The following JAK2 variants were observed in gnomAD, a reference collection of about 807,000 sequenced individuals.
JAK2 encodes Janus kinase 2, also known as tyrosine-protein kinase JAK2.
Under a neutral mutation model 139.3 loss-of-function variants are expected in JAK2, and 86 were observed. The observed-to-expected ratio is 0.62, with a 90% CI of 0.52 to 0.74. The LOEUF is 0.74. Ranked by LOEUF, JAK2 falls within the 30% of genes least tolerant of loss-of-function variation. JAK2 has a pLI of 0.00. For missense variants in JAK2, 1,421 were observed against 1,360.3 expected, an observed-to-expected ratio of 1.04 and a Z score of -0.70; for synonymous variants, 490 against 437.7, an observed-to-expected ratio of 1.12 and a Z score of -1.49.
chr9:4,985,174 G>A (rs775975430), upstream of JAK2: 1 of 152,508 alleles, frequency 6.6e-6, no homozygotes, highest in East Asian at 1.9e-4. Flanking sequence ...TGAGAAGACG[G>A]TGTGGCCCCG....
At chr9:5,043,989 TAG>T (rs894193180) in intron 4 of JAK2, among the ~76,000 whole-genome samples, 1 of 152,238 alleles carries the variant, frequency 6.6e-6, no homozygotes, top group African/African-American at 2.4e-5. Flanking sequence ...AAAGACAATA[TAG>T]AGTGTTCTTT....
Position 5,069,072 on chromosome 9 carries a change from T to G in JAK2, c.1377T>G (p.Asn459Lys). The change falls in exon 11 of 25, where the codon AAT (asparagine) becomes AAG (lysine). Residue 459 changes from asparagine (N) to lysine (K), a missense_variant. Physicochemically the swap from Asn to Lys is moderately conservative, Grantham distance 94. Coordinates refer to ENST00000381652, the MANE Select transcript of JAK2 (RefSeq NM_004972.4). ...ACTGTTTGATTACAAAAAATGAGAA[T>G]GAAGAGTACAACCTCAGTGGGACAA... Reference protein sequence around the residue: ...YKHCLITKNENEEYNLSGTKK... With the variant: ...YKHCLITKNEKEEYNLSGTKK... 6.2e-7 allele frequency: 1 copy of G among 1,605,490 alleles called. No homozygotes were observed.
At position 5,020,238 on chromosome 9, in the gene JAK2, G is replaced by A. The variant is rs541116794; in HGVS notation, c.-25-1725G>A. 2.0e-5 allele frequency among the ~76,000 whole-genome samples: 3 copies of A among 152,340 alleles called. No homozygotes were observed. The South Asian group carries it at 6.2e-4, about 32-fold the overall frequency. ...TGGCAAGTGTGAGTGGGAACCAGCT[G>A]TGGTGGTAGTGGCAGGTTGGGTGGG... On this transcript the variant is annotated intron_variant, in intron 2 of 24. Transcript: ENST00000381652.
intron 22 of JAK2, 117 bp downstream of exon 22, chr9:5,091,028 T>C: frequency 1.3e-6 from 1 of 795,646 alleles, no homozygotes. Flanking sequence ...TTTAAGTCTT[T>C]TAAGTCTTAC....
At chr9:5,004,258 A>G (rs1257958435) in intron 2 of JAK2, among the ~76,000 whole-genome samples, 1 of 152,134 alleles carries the variant, frequency 6.6e-6, no homozygotes, top group Admixed American at 6.5e-5. Flanking sequence ...GAAATTTCGT[A>G]TCCTTTGACC....
intron 4 of JAK2, among the ~76,000 whole-genome samples, chr9:5,042,138 T>C (rs1816608559): frequency 7.0e-6 from 1 of 142,040 alleles, no homozygotes; most frequent in Non-Finnish European, 1.6e-5. Context: ...TTTTTTTTTT[T>C]TTTTTTTTTT....
intron 4 of JAK2, among the ~76,000 whole-genome samples, chr9:5,038,596 A>AT (rs58788809): frequency 0.032 from 4,757 of 146,508 alleles, 110 homozygotes; most frequent in Non-Finnish European, 0.047. Context: ...TGGATTTTAG[A>AT]TTTTTTTTTT....
chr9:5,059,730 G>A (rs1818025349), intron 8 of JAK2, among the ~76,000 whole-genome samples: 1 of 152,076 alleles, frequency 6.6e-6, no homozygotes, highest in South Asian at 2.1e-4. Flanking sequence ...GTCTAAAAAT[G>A]TCTTAGTTTG....
intron 2 of JAK2, 32 bp from the exon 3 acceptor site, chr9:5,021,931 C>A: frequency 7.5e-7 from 1 of 1,327,222 alleles, no homozygotes; most frequent in South Asian, 1.2e-5. Flanking sequence ...CTGCGCCCAG[C>A]CCATTTGTAA....
At chr9:5,004,756 A>G (rs1228608662) in intron 2 of JAK2, among the ~76,000 whole-genome samples, 1 of 151,986 alleles carries the variant, frequency 6.6e-6, no homozygotes, top group Admixed American at 6.6e-5. Context: ...AGAGTATACA[A>G]GAGTTTCTTT....
intron 4 of JAK2, among the ~76,000 whole-genome samples, chr9:5,042,636 C>CAA (rs1461467117): frequency 2.0e-5 from 3 of 151,900 alleles, no homozygotes; most frequent in African/African-American, 7.3e-5. Flanking sequence ...TCATAAAGTC[C>CAA]AGCTTGTCTC....
chr9:5,086,039 T>A, intron 19 of JAK2: 2 of 760,518 alleles, frequency 2.6e-6, no homozygotes, highest in South Asian at 2.7e-5. Context: ...AGGCAGGTGT[T>A]AAATGCTTCA....
rs540045713 is a variant in JAK2 at position 5,072,803 on chromosome 9, G to A, written c.1776+177G>A. Among the ~76,000 whole-genome samples, 14 of 152,082 alleles carry A rather than the reference G, an allele frequency of 9.2e-5. 1 individual carries two copies. In the South Asian group the frequency reaches 1.5e-3, roughly 16 times the overall value. ...AGAATTACAGGGTTTGAAAATTACCGGATTAAAAAAATTAATTCCAAACTA... is the reference window on the plus strand; with the variant it reads ...AGAATTACAGGGTTTGAAAATTACCAGATTAAAAAAATTAATTCCAAACTA... On this transcript the variant is annotated intron_variant, in intron 13 of 24. Coordinates refer to ENST00000381652, the MANE Select transcript of JAK2 (RefSeq NM_004972.4).
In JAK2 at chr9:5,066,687, T is replaced by C; in HGVS notation, c.1224T>C (p.Phe408=). 1 of 1,588,592 alleles carries C rather than the reference T, an allele frequency of 6.3e-7. No homozygotes were observed. The highest frequency in any genetic ancestry group is 8.6e-7 in the Non-Finnish European group (1 of 1,157,476). The part of the protein sequence containing the change: ...SNCHGPISMD[F]AISKLKKAGN... Reference sequence around the variant, plus strand: ...TCTTCTTTACCTTTAGGATGGATTTTGCCATTAGTAAACTGAAGAAAGCAG... The same window carrying C: ...TCTTCTTTACCTTTAGGATGGATTTCGCCATTAGTAAACTGAAGAAAGCAG... The change falls in exon 10 of 25, where the codon TTT becomes TTC. Residue 408 remains phenylalanine, a synonymous_variant. Transcript: ENST00000381652.
chr9:5,121,257 T>C (rs988370231), intron 22 of JAK2, among the ~76,000 whole-genome samples: 2 of 152,148 alleles, frequency 1.3e-5, no homozygotes, highest in South Asian at 4.1e-4. Context: ...CCTAAGAGAT[T>C]TGCAAAGACA....
At position 5,128,816 on chromosome 9, in the gene JAK2, A is replaced by G. The variant is rs1471765381; in HGVS notation, c.*2025A>G. Reference sequence around the variant, plus strand: ...TTATTAAGTTGGTTCTGTACAAGAAACAGGTAAGTAATTATTGTACCAGTT... The same window carrying G: ...TTATTAAGTTGGTTCTGTACAAGAAGCAGGTAAGTAATTATTGTACCAGTT... On this transcript the variant is annotated 3_prime_UTR_variant, in exon 25 of 25. Transcript: ENST00000381652. 6.6e-6 allele frequency among the ~76,000 whole-genome samples: 1 copy of G among 152,030 alleles called. No individual in the cohort carries two copies. Among genetic ancestry groups the G allele is most frequent in the Non-Finnish European group, 1.5e-5 (1 of 67,868 alleles).
Position 5,090,755 on chromosome 9 carries a change from G to A in JAK2, c.2903G>A (p.Gly968Asp). ...TATCCATAGGGTATGGAGTATCTTG[G>A]TACAAAAAGGTATATCCACAGGGAT... The part of the protein sequence containing the change: ...SQICKGMEYL[G>D]TKRYIHRDLA... Residue 968 changes from glycine to aspartate, a missense_variant, in exon 22 of 25, where the codon GGT (glycine) becomes GAT (aspartate). By Grantham distance (94) the Gly-to-Asp change is moderately conservative. Coordinates refer to ENST00000381652, the MANE Select transcript of JAK2 (RefSeq NM_004972.4). 1.2e-6 allele frequency: 2 copies of A among 1,603,666 alleles called. No homozygotes were observed. Among genetic ancestry groups the A allele is most frequent in the Non-Finnish European group, 1.7e-6 (2 of 1,177,276 alleles).
rs1824053152 is a variant in JAK2, at chr9:5,127,173, G to A, written c.*382G>A. 4.2e-6 allele frequency: 1 copy of A among 239,534 alleles called. No individual in the cohort carries two copies. Among genetic ancestry groups the A allele is most frequent in the African/African-American group, 2.2e-5 (1 of 45,324 alleles). The allele number at this position is 239,534 out of a possible 1,614,324, so 14.8% of individuals were successfully genotyped here. A position where few individuals can be genotyped will look rare whatever the true frequency, so the allele number is the denominator to read the frequency against. ...ATATGTATGTATAGTTTTTACCACA[G>A]TGGATGTATAATACCTTGGCATCTT... On this transcript the variant is annotated 3_prime_UTR_variant, in exon 25 of 25. Transcript: ENST00000381652.
At chr9:5,073,576 C>G (rs1819117109) in intron 13 of JAK2, 122 bp from the exon 14 acceptor site, 2 of 740,576 alleles carry the variant, frequency 2.7e-6, no homozygotes, top group South Asian at 3.3e-5. Context: ...CACATTGTAT[C>G]CTCATCTATA....
Sources: allele counts gnomAD v4.1 joint callset (sites outside exome capture counted in the v4.1 genomes callset), GRCh38; gene constraint gnomAD v4.1.1; transcripts MANE v1.5; gene names NCBI Gene and HGNC (gene_info 2026-07-23, HGNC 2026-07-21).